PARD3: variants seen among roughly 807,000 people sequenced by gnomAD.
PARD3 encodes par-3 family cell polarity regulator.
PARD3 carries 75 observed loss-of-function variants against 155.4 expected under a neutral mutation model. That is an observed-to-expected ratio of 0.48 (90% CI 0.40 to 0.58). PARD3 has a LOEUF of 0.58. Among genes scored for constraint, PARD3 ranks in the 20% least tolerant of loss-of-function variants. PARD3 has a pLI of 0.00. For missense variants in PARD3, 1,642 were observed against 1,721.7 expected (o/e 0.95, Z 0.82); for synonymous variants, 576 against 610.5 (o/e 0.94, Z 0.83).
chr10:34,464,119 GA>G (rs34445178), intron 4 of PARD3, among the ~76,000 whole-genome samples: 62,624 of 145,068 alleles, frequency 0.43, 13,597 homozygotes, highest in African/African-American at 0.57. Context: ...GGTCCTGCGG[GA>G]AAAAAAAAAA....
intron 20 of PARD3, among the ~76,000 whole-genome samples, chr10:34,301,981 CTTCAG>C (rs1488339680): frequency 6.6e-6 from 1 of 152,068 alleles, no homozygotes; most frequent in African/African-American, 2.4e-5. Context: ...TGGTCTAGCC[CTTCAG>C]TTCACTCTAC....
At chr10:34,415,573 CCAGT>C (rs1322117041) in intron 5 of PARD3, among the ~76,000 whole-genome samples, 3 of 152,032 alleles carry the variant, frequency 2.0e-5, no homozygotes, top group Admixed American at 2.0e-4. Context: ...TTATAGCAAA[CCAGT>C]CAAACAGCAA....
chr10:34,145,636 C>A (rs1948470976), intron 22 of PARD3, among the ~76,000 whole-genome samples: 1 of 152,030 alleles, frequency 6.6e-6, no homozygotes, highest in Non-Finnish European at 1.5e-5. Flanking sequence ...CTTTCAATAG[C>A]CTCCTGTTCA....
At chr10:34,591,351 C>G (rs1415680085) in intron 2 of PARD3, among the ~76,000 whole-genome samples, 1 of 152,064 alleles carries the variant, frequency 6.6e-6, no homozygotes, top group African/African-American at 2.4e-5. Context: ...TTAAGTGGGG[C>G]TGGGTAAGGA....
chr10:34,586,378 G>A (rs889472015), intron 2 of PARD3, among the ~76,000 whole-genome samples: 2 of 152,102 alleles, frequency 1.3e-5, no homozygotes, highest in African/African-American at 4.8e-5. Flanking sequence ...AAACATTTCT[G>A]TGACTTCCAT....
intron 2 of PARD3, among the ~76,000 whole-genome samples, chr10:34,652,693 G>T (rs143006258): frequency 6.6e-6 from 1 of 152,144 alleles, no homozygotes; most frequent in South Asian, 2.1e-4. Flanking sequence ...CTGCCCTCTC[G>T]CAGTGTGCTG....
intron 1 of PARD3, among the ~76,000 whole-genome samples, chr10:34,733,269 A>G (rs972190718): frequency 4.6e-5 from 7 of 152,186 alleles, no homozygotes; most frequent in African/African-American, 1.4e-4. Flanking sequence ...TACAAATGGA[A>G]GTAGAATTTT....
intron 2 of PARD3, among the ~76,000 whole-genome samples, chr10:34,685,632 C>G (rs907797736): frequency 6.8e-5 from 10 of 147,660 alleles, no homozygotes; most frequent in Non-Finnish European, 1.5e-4. Context: ...CTCACTTTGT[C>G]GCCCAGGCTG....
chr10:34,285,828 C>T (rs200676645), intron 20 of PARD3, among the ~76,000 whole-genome samples: 1 of 151,882 alleles, frequency 6.6e-6, no homozygotes, highest in Non-Finnish European at 1.5e-5. Context: ...AATGTTAAAA[C>T]AGAAAAAAGG....
At chr10:34,116,998 G>C (rs1367179187) in intron 24 of PARD3, among the ~76,000 whole-genome samples, 3 of 152,150 alleles carry the variant, frequency 2.0e-5, no homozygotes, top group Non-Finnish European at 2.9e-5. Flanking sequence ...GGGAATGCAT[G>C]AGCTACTTTG....
intron 2 of PARD3, among the ~76,000 whole-genome samples, chr10:34,538,133 G>A (rs2083343363): frequency 6.6e-6 from 1 of 152,196 alleles, no homozygotes; most frequent in African/African-American, 2.4e-5. Flanking sequence ...TGACAAGAGC[G>A]AGACTCCGTC....
chr10:34,617,181 G>A (rs1485678015), intron 2 of PARD3, among the ~76,000 whole-genome samples: 3 of 151,886 alleles, frequency 2.0e-5, no homozygotes, highest in Non-Finnish European at 2.9e-5. Context: ...CTTGAACACG[G>A]GAGGTGGAGG....
chr10:34,222,623 A>AG (rs1335190619), intron 22 of PARD3, among the ~76,000 whole-genome samples: 1 of 152,192 alleles, frequency 6.6e-6, no homozygotes, highest in African/African-American at 2.4e-5. Context: ...ATGTGAAGGT[A>AG]CCCCAGGTCT....
At chr10:34,124,660 A>G (rs1381114156) in intron 23 of PARD3, among the ~76,000 whole-genome samples, 1 of 152,122 alleles carries the variant, frequency 6.6e-6, no homozygotes, top group Non-Finnish European at 1.5e-5. Context: ...GCTCCTAAGG[A>G]TGTGAGTAAT....
At chr10:34,561,313 A>C (rs1046103171) in intron 2 of PARD3, among the ~76,000 whole-genome samples, 4 of 152,040 alleles carry the variant, frequency 2.6e-5, no homozygotes, top group Non-Finnish European at 5.9e-5. Flanking sequence ...AAATGATGGG[A>C]ATCTTATCTT....
chr10:34,328,880 A>G (rs59698281), intron 19 of PARD3, among the ~76,000 whole-genome samples: 23 of 152,370 alleles, frequency 1.5e-4, no homozygotes, highest in African/African-American at 5.3e-4. Context: ...TGCAAAGTTC[A>G]GAAGACTGGT....
At chr10:34,812,977 T>A (rs1200855814) in intron 1 of PARD3, among the ~76,000 whole-genome samples, 1 of 152,160 alleles carries the variant, frequency 6.6e-6, no homozygotes, top group Admixed American at 6.5e-5. Flanking sequence ...CTTCTCCCCA[T>A]GTCATCACCA....
chr10:34,487,133 C>T (rs1026698430), intron 3 of PARD3, among the ~76,000 whole-genome samples: 1 of 152,126 alleles, frequency 6.6e-6, no homozygotes, highest in African/African-American at 2.4e-5. Flanking sequence ...AACTGGAACA[C>T]TCTGCAACTA....
intron 1 of PARD3, among the ~76,000 whole-genome samples, chr10:34,787,976 G>T (rs1841189647): frequency 6.7e-6 from 1 of 150,326 alleles, no homozygotes; most frequent in Non-Finnish European, 1.5e-5. Context: ...TAGAGACAGG[G>T]TCTTGTTATG....
Sources: allele counts gnomAD v4.1 joint callset (sites outside exome capture counted in the v4.1 genomes callset), GRCh38; gene constraint gnomAD v4.1.1; transcripts MANE v1.5; gene names NCBI Gene and HGNC (gene_info 2026-07-23, HGNC 2026-07-21).